RPSA2: variants seen among roughly 807,000 people sequenced by gnomAD.
RPSA2 encodes ribosomal protein SA 2.
At chr19:23,862,423 G>T in the RPSA2 span, among the ~76,000 whole-genome samples, 1 of 151,370 alleles carries the variant, frequency 6.6e-6, no homozygotes, top group African/African-American at 2.4e-5. Context: ...TGTTGAATAG[G>T]AGTGGTGAGA....
the RPSA2 span, chr19:23,758,897 C>T: frequency 1.9e-6 from 2 of 1,062,430 alleles, no homozygotes; most frequent in Non-Finnish European, 2.8e-6. Context: ...GAGACAAAGG[C>T]CCCGCCAATC....
chr19:23,869,154 TGATCAG>T, the RPSA2 span, among the ~76,000 whole-genome samples: 1 of 152,158 alleles, frequency 6.6e-6, no homozygotes, highest in South Asian at 2.1e-4. Flanking sequence ...AGATCTATCG[TGATCAG>T]GGAGCATGGG....
chr19:23,798,087 T>C, the RPSA2 span, among the ~76,000 whole-genome samples: 1 of 152,176 alleles, frequency 6.6e-6, no homozygotes, highest in Non-Finnish European at 1.5e-5. Context: ...CGATTGTCTT[T>C]ATCTGGGACC....
chr19:23,845,796 A>G, the RPSA2 span, among the ~76,000 whole-genome samples: 2 of 152,206 alleles, frequency 1.3e-5, no homozygotes, highest in Non-Finnish European at 2.9e-5. Context: ...CTGGCTGGCC[A>G]TCCTAATTAC....
chr19:23,791,511 A>C, the RPSA2 span, among the ~76,000 whole-genome samples: 1 of 152,064 alleles, frequency 6.6e-6, no homozygotes, highest in African/African-American at 2.4e-5. Flanking sequence ...AATTATTTTC[A>C]CACTCCAATG....
At chr19:23,775,136 G>C in the RPSA2 span, among the ~76,000 whole-genome samples, 1 of 152,208 alleles carries the variant, frequency 6.6e-6, no homozygotes, top group Non-Finnish European at 1.5e-5. Flanking sequence ...GGGTGGTACA[G>C]AGAGTGTCCT....
chr19:23,837,225 G>A, the RPSA2 span, among the ~76,000 whole-genome samples: 3 of 151,908 alleles, frequency 2.0e-5, no homozygotes, highest in South Asian at 2.1e-4. Context: ...TCCCAGTACC[G>A]TTTGTTGAAA....
At chr19:23,778,494 G>A in the RPSA2 span, among the ~76,000 whole-genome samples, 3 of 152,184 alleles carry the variant, frequency 2.0e-5, no homozygotes, top group African/African-American at 4.8e-5. Flanking sequence ...GATTACAGGT[G>A]TGAGCCACTG....
At chr19:23,832,275 TAAGAGA>T in the RPSA2 span, 1 of 451,682 alleles carries the variant, frequency 2.2e-6, no homozygotes, top group Non-Finnish European at 4.5e-6. Flanking sequence ...TTACGAAACA[TAAGAGA>T]ATTCATACTA....
At chr19:23,846,442 C>G in the RPSA2 span, among the ~76,000 whole-genome samples, 1 of 151,308 alleles carries the variant, frequency 6.6e-6, no homozygotes, top group African/African-American at 2.4e-5. Flanking sequence ...ATTTATTTCT[C>G]TCTTTGTTTT....
the RPSA2 span, among the ~76,000 whole-genome samples, chr19:23,866,520 C>G: frequency 2.7e-5 from 4 of 147,538 alleles, no homozygotes; most frequent in African/African-American, 9.8e-5. Context: ...GGTGCCCCCC[C>G]CCGCCCAGTG....
the RPSA2 span, among the ~76,000 whole-genome samples, chr19:23,761,963 G>T: frequency 5.0e-5 from 3 of 59,930 alleles, no homozygotes; most frequent in Non-Finnish European, 6.8e-5. Flanking sequence ...TATCGCCCAG[G>T]CTGGAGTGCA....
chr19:23,849,024 G>T, the RPSA2 span, among the ~76,000 whole-genome samples: 1 of 152,326 alleles, frequency 6.6e-6, no homozygotes, highest in African/African-American at 2.4e-5. Context: ...TCTGGGTAAA[G>T]TTACCAGTAT....
the RPSA2 span, chr19:23,790,724 T>A: frequency 4.5e-6 from 2 of 445,714 alleles, no homozygotes; most frequent in Non-Finnish European, 8.5e-6. Flanking sequence ...GACCTGCAGG[T>A]ACTGGAGATC....
the RPSA2 span, among the ~76,000 whole-genome samples, chr19:23,857,368 C>G: frequency 6.6e-6 from 1 of 151,826 alleles, no homozygotes. Context: ...TCCATGAAAT[C>G]TTCACAATTT....
At chr19:23,856,363 C>A in the RPSA2 span, among the ~76,000 whole-genome samples, 1 of 152,128 alleles carries the variant, frequency 6.6e-6, no homozygotes. Context: ...TTCCACCACC[C>A]TGAATAGGGT....
At chr19:23,765,386 A>G in the RPSA2 span, among the ~76,000 whole-genome samples, 3 of 152,210 alleles carry the variant, frequency 2.0e-5, no homozygotes, top group East Asian at 5.8e-4. Context: ...CATGGAATCA[A>G]CCTAAATGCC....
At chr19:23,767,214 T>C in the RPSA2 span, among the ~76,000 whole-genome samples, 2 of 152,084 alleles carry the variant, frequency 1.3e-5, no homozygotes, top group African/African-American at 4.8e-5. Context: ...AGATTTGGGG[T>C]TACAGGCGTG....
At chr19:23,813,929 G>T in the RPSA2 span, among the ~76,000 whole-genome samples, 1 of 151,888 alleles carries the variant, frequency 6.6e-6, no homozygotes, top group Admixed American at 6.6e-5. Context: ...CACCATGTTA[G>T]TCAATCTGGT....
Sources: allele counts gnomAD v4.1 joint callset (sites outside exome capture counted in the v4.1 genomes callset), GRCh38; gene constraint gnomAD v4.1.1; transcripts MANE v1.5; gene names NCBI Gene and HGNC (gene_info 2026-07-23, HGNC 2026-07-21).